Variants in TLN2 observed in about 807,000 individuals in gnomAD.
TLN2 encodes the protein talin-2.
Under a neutral mutation model 294.7 loss-of-function variants are expected in TLN2, and 118 were observed. The observed-to-expected ratio is 0.40, with a 90% CI of 0.34 to 0.47. TLN2 has a LOEUF of 0.47. Ranked by LOEUF, TLN2 falls within the 20% of genes least tolerant of loss-of-function variation. TLN2 has a pLI of 0.84. For synonymous variants in TLN2, 1,431 were observed against 1,304.5 expected, an observed-to-expected ratio of 1.10 and a Z score of -2.09; for missense variants, 3,083 against 3,282.2, an observed-to-expected ratio of 0.94 and a Z score of 1.48.
intron 2 of TLN2, among the ~76,000 whole-genome samples, chr15:62,603,144 G>A (rs1284055998): frequency 1.3e-5 from 2 of 151,880 alleles, no homozygotes; most frequent in Non-Finnish European, 2.9e-5. Context: ...CACCTGCCTC[G>A]GCCTCCCACA....
At chr15:62,717,810 C>A in intron 24 of TLN2, 121 bp downstream of exon 24, 2 of 680,594 alleles carry the variant, frequency 2.9e-6, no homozygotes, top group African/African-American at 1.8e-5. Flanking sequence ...CAATTTGCCC[C>A]AGTTCCCATG....
intron 1 of TLN2, among the ~76,000 whole-genome samples, chr15:62,550,974 A>G (rs952756778): frequency 1.3e-5 from 2 of 152,174 alleles, no homozygotes; most frequent in Admixed American, 6.5e-5. Flanking sequence ...CATAATGTAG[A>G]ATCAGTGGGA....
chr15:62,834,473 C>G (rs144892997), intron 55 of TLN2: 2 of 152,320 alleles, frequency 1.3e-5, no homozygotes, highest in African/African-American at 4.8e-5. Context: ...GACCCAAGAA[C>G]TCGCAGTACA....
intron 1 of TLN2, among the ~76,000 whole-genome samples, chr15:62,491,365 C>A (rs1293792317): frequency 8.1e-6 from 1 of 123,312 alleles, no homozygotes; most frequent in Non-Finnish European, 1.6e-5. Context: ...CACACACACA[C>A]ACACACACAC....
chr15:62,582,229 C>CAT, intron 1 of TLN2, among the ~76,000 whole-genome samples: 1 of 146,572 alleles, frequency 6.8e-6, no homozygotes. Context: ...CACACACACA[C>CAT]ACACACACAC....
chr15:62,607,614 T>C (rs192650376), intron 2 of TLN2, among the ~76,000 whole-genome samples: 11 of 152,328 alleles, frequency 7.2e-5, no homozygotes, highest in Admixed American at 2.6e-4. Flanking sequence ...CAAACTGTCA[T>C]GTACCAAGTG....
At chr15:62,415,617 C>G (rs1046418224) in intron 1 of TLN2, among the ~76,000 whole-genome samples, 15 of 152,252 alleles carry the variant, frequency 9.9e-5, no homozygotes, top group Non-Finnish European at 2.1e-4. Context: ...AGCAGCCCAA[C>G]AAAACAGGAG....
At chr15:62,569,367 C>T (rs559465776) in intron 1 of TLN2, among the ~76,000 whole-genome samples, 1 of 152,198 alleles carries the variant, frequency 6.6e-6, no homozygotes, top group Non-Finnish European at 1.5e-5. Flanking sequence ...ACCAAAGGGT[C>T]CCCTCTGGGC....
intron 33 of TLN2, among the ~76,000 whole-genome samples, chr15:62,749,295 C>T (rs2061788506): frequency 6.6e-6 from 1 of 152,226 alleles, no homozygotes; most frequent in African/African-American, 2.4e-5. Context: ...TATCACAGGA[C>T]CGAAGCATTC....
chr15:62,771,908 A>G (rs371046934), intron 42 of TLN2, among the ~76,000 whole-genome samples: 2 of 152,196 alleles, frequency 1.3e-5, no homozygotes, highest in Non-Finnish European at 1.5e-5. Flanking sequence ...ACCAGTCCAT[A>G]TTTTAGAAAC....
intron 3 of TLN2, among the ~76,000 whole-genome samples, chr15:62,634,804 C>T (rs987923301): frequency 6.6e-5 from 10 of 152,236 alleles, no homozygotes; most frequent in Admixed American, 4.6e-4. Flanking sequence ...GAAAGCAGCA[C>T]GTGGCTGCTC....
chr15:62,801,744 G>A (rs917436294), intron 50 of TLN2, among the ~76,000 whole-genome samples: 2 of 152,196 alleles, frequency 1.3e-5, no homozygotes, highest in African/African-American at 4.8e-5. Flanking sequence ...ACCACTGCCT[G>A]GCACTTGCCT....
chr15:62,522,458 T>C (rs1346712550), intron 1 of TLN2, among the ~76,000 whole-genome samples: 7 of 152,190 alleles, frequency 4.6e-5, no homozygotes, highest in Non-Finnish European at 8.8e-5. Flanking sequence ...TGCTGAAGCA[T>C]TGGCACAACT....
chr15:62,826,309 A>G (rs1472418886), intron 54 of TLN2, among the ~76,000 whole-genome samples: 1 of 152,218 alleles, frequency 6.6e-6, no homozygotes, highest in African/African-American at 2.4e-5. Flanking sequence ...AACTACTCCC[A>G]AGATACTAAT....
rs34783254 is a variant in TLN2, at chr15:62,713,897, CATATATATAT to C, written c.2634+1829_2634+1838del. Among the ~76,000 whole-genome samples, 839 of 119,154 alleles carry C rather than the reference CATATATATAT, an allele frequency of 7.0e-3. 12 individuals carry two copies. The highest frequency in any genetic ancestry group is 0.011 in the Non-Finnish European group (601 of 52,356). The allele number at this position is 119,154 out of a possible 152,430, so 78.2% of individuals were successfully genotyped here. ...CTGCTATTAACCCCCTTCTTTAAGCCATATATATATATATATATGCTGTGTGTGTGTATGT... is the reference window on the plus strand; with the variant it reads ...CTGCTATTAACCCCCTTCTTTAAGCCATATATATGCTGTGTGTGTGTATGT... On this transcript the variant is annotated intron_variant, in intron 22 of 58. Transcript: ENST00000636159.
intron 1 of TLN2, among the ~76,000 whole-genome samples, chr15:62,444,675 C>T (rs530885757): frequency 1.3e-5 from 2 of 152,340 alleles, no homozygotes; most frequent in Admixed American, 1.3e-4. Flanking sequence ...GAGTCATTTG[C>T]TTCTAATTAC....
intron 2 of TLN2, among the ~76,000 whole-genome samples, chr15:62,616,014 A>G (rs1296413110): frequency 2.6e-5 from 4 of 152,094 alleles, no homozygotes; most frequent in Non-Finnish European, 2.9e-5. Flanking sequence ...ACTGTCCTCT[A>G]ACAGTTTTGT....
At chr15:62,442,268 A>C (rs983475240) in intron 1 of TLN2, among the ~76,000 whole-genome samples, 3 of 151,754 alleles carry the variant, frequency 2.0e-5, no homozygotes, top group Admixed American at 6.6e-5. Context: ...GGCCGAGGTG[A>C]GTGGATCACC....
At chr15:62,436,923 CTA>C (rs1237005737) in intron 1 of TLN2, among the ~76,000 whole-genome samples, 1 of 152,176 alleles carries the variant, frequency 6.6e-6, no homozygotes, top group Non-Finnish European at 1.5e-5. Context: ...GAGACAGGGA[CTA>C]ACTATTTTGC....
Sources: gnomAD v4.1 joint callset for allele counts (sites outside exome capture counted in the v4.1 genomes callset) on GRCh38, gnomAD v4.1.1 for gene constraint, MANE v1.5 for transcripts, NCBI Gene and HGNC (gene_info 2026-07-23, HGNC 2026-07-21) for gene names.